The following CHMP7 variants were observed in gnomAD, a reference collection of about 807,000 sequenced individuals.
CHMP7 encodes the protein charged multivesicular body protein 7, also known as CHMP family, member 7.
In CHMP7, 15 loss-of-function variants were observed where a neutral mutation model predicts 53.7. The ratio of observed to expected loss-of-function variants is 0.28; its 90% confidence interval spans 0.19 to 0.43. The LOEUF is 0.43. Among genes scored for constraint, CHMP7 ranks in the 20% least tolerant of loss-of-function variants. The pLI, the probability that CHMP7 is intolerant of heterozygous loss-of-function variation, is 1.00. For synonymous variants in CHMP7, 261 were observed against 228.0 expected (o/e 1.14, Z -1.30); for missense variants, 527 against 569.4 (o/e 0.93, Z 0.76).
chr8:23,246,740 C>A lies in CHMP7; in HGVS notation c.45C>A (p.Asp15Glu). Reference sequence around the variant, plus strand: ...AGGCCGAGGCCCCAGCCGGGGGAGACCCGGCGGGCCTTCTGCCCCCCGAGT... The same window carrying A: ...AGGCCGAGGCCCCAGCCGGGGGAGAACCGGCGGGCCTTCTGCCCCCCGAGT... Reference protein sequence around the residue: ...EREAEAPAGGDPAGLLPPEWE... With the variant: ...EREAEAPAGGEPAGLLPPEWE... Residue 15 changes from aspartate (D) to glutamate (E), a missense_variant, in exon 2 of 11, where the codon GAC becomes GAA. Coordinates refer to ENST00000397677, the MANE Select transcript of CHMP7 (RefSeq NM_152272.5). The A allele has an allele frequency of 1.3e-6, 2 of 1,551,726 alleles. No individual in the cohort carries two copies. Among genetic ancestry groups the A allele is most frequent in the Non-Finnish European group, 1.7e-6 (2 of 1,147,982 alleles).
rs1225042704 is a variant in CHMP7 at position 23,246,787 on chromosome 8, T to C, written c.92T>C (p.Met31Thr). Residue 31 changes from methionine to threonine, a missense_variant, in exon 2 of 11, where the codon ATG (methionine) becomes ACG (threonine). Transcript: ENST00000397677. ...PPEWEEDEERMSFLFSAFKRS... is the reference protein window; with the variant it reads ...PPEWEEDEERTSFLFSAFKRS... ...GAGTGGGAGGAGGACGAGGAGCGCATGTCCTTCCTGTTCTCCGCTTTCAAG... is the reference window on the plus strand; with the variant it reads ...GAGTGGGAGGAGGACGAGGAGCGCACGTCCTTCCTGTTCTCCGCTTTCAAG... The C allele has an allele frequency of 2.5e-6, 4 of 1,582,702 alleles. No individual in the cohort carries two copies. Among genetic ancestry groups the C allele is most frequent in the Admixed American group, 1.8e-5 (1 of 55,210 alleles).
intron 2 of CHMP7, 76 bp from the exon 3 acceptor site, chr8:23,249,134 G>T (rs534059652): frequency 2.3e-6 from 3 of 1,290,672 alleles, no homozygotes; most frequent in Non-Finnish European, 3.2e-6. Flanking sequence ...CTCTTTTAGG[G>T]TAAAGGGGGA....
rs988548433 is a variant in CHMP7, at chr8:23,246,612, A to C, written c.-84A>C. 24 of 1,210,154 alleles carry C rather than the reference A, an allele frequency of 2.0e-5. No homozygotes were observed. The South Asian group carries it at 3.4e-4, about 17-fold the overall frequency. 75.0% of individuals were successfully genotyped at this position (1,210,154 alleles called of 1,614,324 possible). A position where few individuals can be genotyped will look rare whatever the true frequency, so the allele number is the denominator to read the frequency against. On this transcript the variant is annotated 5_prime_UTR_variant, in exon 2 of 11. Coordinates refer to ENST00000397677, the MANE Select transcript of CHMP7 (RefSeq NM_152272.5). ...CGTGTGAACGAGAAGGAGGTGGTCA[A>C]GGAACGGAAGCCGGGAGGGAACGAG...
At position 23,259,099 on chromosome 8, in the gene CHMP7, C is replaced by A; in HGVS notation, c.1093C>A (p.Leu365Met). Residue 365 changes from leucine to methionine, a missense_variant, in exon 9 of 11, where the codon CTG (leucine) becomes ATG (methionine). Coordinates refer to ENST00000397677, the MANE Select transcript of CHMP7 (RefSeq NM_152272.5). ...CACCCAGGATGAAGTTTCTCAGACT[C>A]TGGCTGGTGGGGTAACAAATGGCTT... ...CDTQDEVSQTLAGGVTNGLDF... is the reference protein window; with the variant it reads ...CDTQDEVSQTMAGGVTNGLDF... 2 of 1,607,082 alleles carry A rather than the reference C, an allele frequency of 1.2e-6. No homozygotes were observed. Among genetic ancestry groups the A allele is most frequent in the Non-Finnish European group, 8.5e-7 (1 of 1,174,018 alleles).
intron 3 of CHMP7, among the ~76,000 whole-genome samples, chr8:23,251,266 G>A (rs1397943580): frequency 1.3e-5 from 2 of 151,930 alleles, no homozygotes; most frequent in African/African-American, 4.8e-5. Flanking sequence ...CTTTTGGATG[G>A]TATTGAAAAA....
intron 8 of CHMP7, 100 bp downstream of exon 8, chr8:23,258,930 C>A: frequency 1.9e-6 from 2 of 1,056,260 alleles, no homozygotes; most frequent in Non-Finnish European, 3.0e-6. Flanking sequence ...GACTTGTGAC[C>A]TTGTGAACTT....
In CHMP7 at chr8:23,249,192, T is replaced by C. The variant is rs1801825262; in HGVS notation, c.300-18T>C. The C allele has an allele frequency of 1.9e-6, 3 of 1,556,004 alleles. No individual in the cohort carries two copies. Among genetic ancestry groups the C allele is most frequent in the Non-Finnish European group, 2.6e-6 (3 of 1,154,732 alleles). On this transcript the variant is annotated intron_variant, in intron 2 of 10. Transcript: ENST00000397677. ...TGCATTAAGTGCTACTACACGCCCT[T>C]CTTTTTCTTCCCTGCAGTCGAGGGG... is the stretch of plus-strand genomic sequence containing the variant.
chr8:23,253,370 G>A (rs1395459543), intron 3 of CHMP7, among the ~76,000 whole-genome samples: 3 of 152,166 alleles, frequency 2.0e-5, no homozygotes, highest in Non-Finnish European at 2.9e-5. Context: ...TGCAACCTCC[G>A]CCTCCTGGGT....
At chr8:23,249,133 G>A in intron 2 of CHMP7, 77 bp from the exon 3 acceptor site, 2 of 1,266,732 alleles carry the variant, frequency 1.6e-6, no homozygotes, top group Non-Finnish European at 2.2e-6. Flanking sequence ...CCTCTTTTAG[G>A]GTAAAGGGGG....
Position 23,261,119 on chromosome 8 carries a change from T to A in CHMP7, c.*520T>A, listed in dbSNP as rs1376080723. Reference sequence around the variant, plus strand: ...TTATTTGAGGGGACTTAGCTGCCATTTTATGGAAAAACATGTAGTATAAAA... The same window carrying A: ...TTATTTGAGGGGACTTAGCTGCCATATTATGGAAAAACATGTAGTATAAAA... On this transcript the variant is annotated 3_prime_UTR_variant, in exon 11 of 11. Coordinates refer to ENST00000397677, the MANE Select transcript of CHMP7 (RefSeq NM_152272.5). 1 of 155,904 alleles carries A rather than the reference T, an allele frequency of 6.4e-6. No individual in the cohort carries two copies. The highest frequency in any genetic ancestry group is 1.4e-5 in the Non-Finnish European group (1 of 70,522). 9.7% of individuals were successfully genotyped at this position (155,904 alleles called of 1,614,324 possible).
intron 9 of CHMP7, 36 bp downstream of exon 9, chr8:23,259,162 ATTTTT>A: frequency 1.2e-3 from 615 of 527,822 alleles, no homozygotes; most frequent in East Asian, 2.0e-3. Context: ...ATTTTTATTC[ATTTTT>A]TTTTTTTTTT....
chr8:23,254,406 C>T (rs1312336759), intron 3 of CHMP7, among the ~76,000 whole-genome samples: 1 of 151,864 alleles, frequency 6.6e-6, no homozygotes, highest in Non-Finnish European at 1.5e-5. Context: ...TTGTTTTGTT[C>T]TGTTTGAGAC....
chr8:23,260,535 C>A lies in CHMP7; in HGVS notation c.1301-3C>A. 1 of 1,613,042 alleles carries A rather than the reference C, an allele frequency of 6.2e-7. No individual in the cohort carries two copies. The highest frequency in any genetic ancestry group is 8.5e-7 in the Non-Finnish European group (1 of 1,179,036). On this transcript the variant is annotated splice_polypyrimidine_tract_variant and splice_region_variant and intron_variant, in intron 10 of 10. Coordinates refer to ENST00000397677, the MANE Select transcript of CHMP7 (RefSeq NM_152272.5). Reference sequence around the variant, plus strand: ...AGTGTTCAGTCATTTCTTTGCCTTGCAGGTTTGGTCCCAAGCAGTAAATCT... The same window carrying A: ...AGTGTTCAGTCATTTCTTTGCCTTGAAGGTTTGGTCCCAAGCAGTAAATCT...
chr8:23,248,670 C>A (rs952336728), intron 2 of CHMP7, among the ~76,000 whole-genome samples: 6 of 152,138 alleles, frequency 3.9e-5, no homozygotes, highest in African/African-American at 1.4e-4. Flanking sequence ...GACTGGCCCG[C>A]GGCAAGCATT....
intron 1 of CHMP7, 145 bp from the exon 2 acceptor site, chr8:23,246,109 GCT>G (rs1248811861): frequency 6.6e-6 from 1 of 152,188 alleles, no homozygotes; most frequent in South Asian, 2.1e-4. Context: ...ATTGATTTCT[GCT>G]CTTTTTATTA....
At chr8:23,250,274 ACCT>A (rs1801869827) in intron 3 of CHMP7, among the ~76,000 whole-genome samples, 1 of 151,390 alleles carries the variant, frequency 6.6e-6, no homozygotes, top group South Asian at 2.1e-4. Flanking sequence ...CCCAAGCCTG[ACCT>A]CCTCAGAGCC....
chr8:23,251,612 T>G (rs1801932927), intron 3 of CHMP7, among the ~76,000 whole-genome samples: 1 of 152,228 alleles, frequency 6.6e-6, no homozygotes, highest in African/African-American at 2.4e-5. Context: ...CAGACACGTG[T>G]ACACATCACT....
At chr8:23,255,639 G>A (rs1227793672) in intron 4 of CHMP7, among the ~76,000 whole-genome samples, 5 of 152,110 alleles carry the variant, frequency 3.3e-5, no homozygotes, top group South Asian at 2.1e-4. Flanking sequence ...ATGGGACCTC[G>A]TAGTATCCCG....
At chr8:23,256,339 G>C (rs1802122796) in intron 4 of CHMP7, 121 bp from the exon 5 acceptor site, 5 of 718,050 alleles carry the variant, frequency 7.0e-6, no homozygotes, top group Non-Finnish European at 1.3e-5. Context: ...CCATTCACTG[G>C]AACATATCCC....
Sources: allele counts gnomAD v4.1 joint callset (sites outside exome capture counted in the v4.1 genomes callset), GRCh38; gene constraint gnomAD v4.1.1; transcripts MANE v1.5; gene names NCBI Gene and HGNC (gene_info 2026-07-23, HGNC 2026-07-21).